The following PCDHGA6 variants were observed in gnomAD, a reference collection of about 807,000 sequenced individuals.
The protein encoded by PCDHGA6 is protocadherin gamma-A6.
PCDHGA6 carries 41 observed loss-of-function variants against 60.6 expected under a neutral mutation model. The observed-to-expected ratio is 0.68, with a 90% CI of 0.53 to 0.88. The LOEUF (loss-of-function observed/expected upper bound fraction) is 0.88, where lower values mean the gene tolerates loss of function less well. PCDHGA6 is among the 40% of genes least tolerant of loss of function. The pLI is 0.00. For synonymous variants in PCDHGA6, 594 were observed against 524.4 expected (o/e 1.13, Z -1.81); for missense variants, 1,312 against 1,203.0 (o/e 1.09, Z -1.34).
intron 1 of PCDHGA6, chr5:141,399,141 C>G: frequency 6.2e-7 from 1 of 1,613,778 alleles, no homozygotes; most frequent in Non-Finnish European, 8.5e-7. Flanking sequence ...ATGAAAATGA[C>G]AATAGCCCAG....
At chr5:141,422,926 GC>G in intron 1 of PCDHGA6, 1 of 1,614,230 alleles carries the variant, frequency 6.2e-7, no homozygotes, top group Non-Finnish European at 8.5e-7. Flanking sequence ...CCTGTACCCT[GC>G]CCTCCCCACA....
At position 141,376,025 on chromosome 5, in the gene PCDHGA6, G is replaced by C; in HGVS notation, c.1942G>C (p.Asp648His). The C allele has an allele frequency of 6.2e-7, 1 of 1,613,266 alleles. No individual in the cohort carries two copies. The highest frequency in any genetic ancestry group is 8.5e-7 in the Non-Finnish European group (1 of 1,179,900). The change falls in exon 1 of 4, where the codon GAC becomes CAC. Residue 648 changes from aspartate (D) to histidine (H), a missense_variant. Physicochemically the swap from Asp to His is moderately conservative, Grantham distance 81 (BLOSUM62 -1). Transcript: ENST00000517434. ...GCAGAGCCTAGTGGTGGCCGTCCAGGACCACGGCCAGCCCCCTCTCTCCGC... is the reference window on the plus strand; with the variant it reads ...GCAGAGCCTAGTGGTGGCCGTCCAGCACCACGGCCAGCCCCCTCTCTCCGC... Reference protein sequence around the residue: ...LKQSLVVAVQDHGQPPLSATV... With the variant: ...LKQSLVVAVQHHGQPPLSATV...
At chr5:141,444,626 A>G (rs542390437) in intron 1 of PCDHGA6, among the ~76,000 whole-genome samples, 74 of 152,288 alleles carry the variant, frequency 4.9e-4, no homozygotes, top group African/African-American at 1.7e-3. Flanking sequence ...GGCATGATGC[A>G]CCAGTTCATT....
chr5:141,441,752 C>T, intron 1 of PCDHGA6: 2 of 378,086 alleles, frequency 5.3e-6, no homozygotes, highest in Non-Finnish European at 1.1e-5. Context: ...TCGGCGTCAA[C>T]GTGAGCCTGC....
rs900884760 is a variant in PCDHGA6, at chr5:141,414,031, C to T, written c.2424+37524C>T. ...CAATGGAGAAGTGACATATTCATTC[C>T]GAAAATTACCTGACACGCAATTGTT... On this transcript the variant is annotated intron_variant, in intron 1 of 3. Coordinates refer to ENST00000517434, the MANE Select transcript of PCDHGA6 (RefSeq NM_018919.3). 4 of 1,611,858 alleles carry T rather than the reference C, an allele frequency of 2.5e-6. No homozygotes were observed. The Admixed American group carries it at 6.7e-5, about 27-fold the overall frequency.
intron 1 of PCDHGA6, among the ~76,000 whole-genome samples, chr5:141,433,948 T>C (rs1473404279): frequency 2.0e-5 from 3 of 152,234 alleles, no homozygotes; most frequent in Non-Finnish European, 4.4e-5. Context: ...CATTGTTTCT[T>C]CTACAGTTGT....
At chr5:141,415,475 C>T in intron 1 of PCDHGA6, 1 of 1,614,162 alleles carries the variant, frequency 6.2e-7, no homozygotes, top group Non-Finnish European at 8.5e-7. Flanking sequence ...ACCGCGGACT[C>T]GCGAAAGAGT....
At chr5:141,467,103 AGTACAATG>A (rs1438695307) in intron 1 of PCDHGA6, among the ~76,000 whole-genome samples, 1 of 147,462 alleles carries the variant, frequency 6.8e-6, no homozygotes, top group East Asian at 2.0e-4. Flanking sequence ...CACAGGCTGG[AGTACAATG>A]GTGCAATCTC....
chr5:141,410,031 AG>A lies in PCDHGA6; in HGVS notation c.2424+33526del, dbSNP rs1303415196. ...GCCTGGCTGTCCTACCACGTGCTGCAGGCCAGTGAGCCCGGACTCTTCAGCC... is the reference window on the plus strand; with the variant it reads ...GCCTGGCTGTCCTACCACGTGCTGCAGCCAGTGAGCCCGGACTCTTCAGCC... On this transcript the variant is annotated intron_variant, in intron 1 of 3. Coordinates refer to ENST00000517434, the MANE Select transcript of PCDHGA6 (RefSeq NM_018919.3). 3.1e-6 allele frequency: 5 copies of A among 1,613,236 alleles called. No homozygotes were observed. In the South Asian group the frequency reaches 5.5e-5, roughly 18 times the overall value.
intron 1 of PCDHGA6, chr5:141,427,887 C>T (rs759734297): frequency 3.8e-6 from 6 of 1,565,908 alleles, no homozygotes; most frequent in South Asian, 1.1e-5. Flanking sequence ...GGCCCACGAC[C>T]AGGGCTCGCC....
intron 1 of PCDHGA6, chr5:141,478,473 A>G (rs2099458384): frequency 6.2e-7 from 1 of 1,613,742 alleles, no homozygotes; most frequent in African/African-American, 1.3e-5. Context: ...GCCAGCCGCC[A>G]GAACACGCTG....
chr5:141,442,014 G>T, intron 1 of PCDHGA6: 1 of 220,044 alleles, frequency 4.5e-6, no homozygotes, highest in Non-Finnish European at 9.2e-6. Flanking sequence ...TCGCACGATG[G>T]GCCACAGGAA....
chr5:141,464,530 T>C (rs375523203), intron 1 of PCDHGA6, among the ~76,000 whole-genome samples: 1 of 152,108 alleles, frequency 6.6e-6, no homozygotes, highest in African/African-American at 2.4e-5. Flanking sequence ...TATGTAGTTT[T>C]GTTAAATATA....
At chr5:141,399,762 C>T (rs1415096807) in intron 1 of PCDHGA6, 4 of 1,613,352 alleles carry the variant, frequency 2.5e-6, no homozygotes, top group Non-Finnish European at 2.5e-6. Flanking sequence ...TGAGCCTGCG[C>T]GTGTTGGTGG....
At chr5:141,470,815 G>A (rs891225908) in intron 1 of PCDHGA6, among the ~76,000 whole-genome samples, 1 of 151,980 alleles carries the variant, frequency 6.6e-6, no homozygotes, top group African/African-American at 2.4e-5. Flanking sequence ...AGCCTTCTGA[G>A]TAGTTAGGAC....
rs1485715812 is a variant in PCDHGA6, at chr5:141,485,804, G to T, written c.2425-9003G>T. The T allele has an allele frequency of 6.2e-7, 1 of 1,614,218 alleles. No individual in the cohort carries two copies. The highest frequency in any genetic ancestry group is 1.7e-5 in the Admixed American group (1 of 60,026). ...AGAGAAGCAATCGGACTACCGCCTG[G>T]TGCTGACTGCTGTCGATGGAGGGAA... On this transcript the variant is annotated intron_variant, in intron 1 of 3. Coordinates refer to ENST00000517434, the MANE Select transcript of PCDHGA6 (RefSeq NM_018919.3). This position sits in a 1 kb window ranked among gnomAD's most constrained non-coding sequence, Gnocchi z 5.7.
Position 141,410,123 on chromosome 5 carries a change from C to T in PCDHGA6, c.2424+33616C>T. ...AGGCGACAGGGACGCAGCCCGCCAG[C>T]GCCTGCTGGTCGCTGTGCGTGACGG... On this transcript the variant is annotated intron_variant, in intron 1 of 3. Coordinates refer to ENST00000517434, the MANE Select transcript of PCDHGA6 (RefSeq NM_018919.3). The T allele has an allele frequency of 1.2e-6, 2 of 1,612,780 alleles. No individual in the cohort carries two copies. The highest frequency in any genetic ancestry group is 1.7e-6 in the Non-Finnish European group (2 of 1,179,646).
At chr5:141,392,867 G>C in intron 1 of PCDHGA6, 6 of 1,612,942 alleles carry the variant, frequency 3.7e-6, no homozygotes, top group Non-Finnish European at 5.1e-6. Flanking sequence ...TGCTGTGCGC[G>C]CTGCTGGGAA....
chr5:141,446,759 G>A (rs983129633), intron 1 of PCDHGA6, among the ~76,000 whole-genome samples: 5 of 152,026 alleles, frequency 3.3e-5, no homozygotes, highest in Admixed American at 1.3e-4. Flanking sequence ...GAGCCACCGC[G>A]CCCAGCCGGT....
Sources: allele counts gnomAD v4.1 joint callset (sites outside exome capture counted in the v4.1 genomes callset), GRCh38; gene constraint gnomAD v4.1.1; non-coding constraint Gnocchi (gnomAD v3.1); transcripts MANE v1.5; gene names NCBI Gene and HGNC (gene_info 2026-07-23, HGNC 2026-07-21).